PHF21A: variants seen among roughly 807,000 people sequenced by gnomAD.
The protein encoded by PHF21A is PHD finger protein 21A.
PHF21A carries 11 observed loss-of-function variants against 82.5 expected under a neutral mutation model. The observed-to-expected ratio is 0.13, with a 90% CI of 0.08 to 0.22. The LOEUF is 0.22. Ranked by LOEUF, PHF21A falls within the 10% of genes least tolerant of loss-of-function variation. The pLI, the probability that PHF21A is intolerant of heterozygous loss-of-function variation, is 1.00. For synonymous variants in PHF21A, 297 were observed against 302.8 expected (o/e 0.98, Z 0.20); for missense variants, 579 against 837.8 (o/e 0.69, Z 3.81).
chr11:45,977,535 C>T (rs1420814181), intron 7 of PHF21A, among the ~76,000 whole-genome samples: 3 of 152,198 alleles, frequency 2.0e-5, no homozygotes, highest in Admixed American at 6.5e-5. Flanking sequence ...AATTCTACCA[C>T]ACTCCTTTCA....
chr11:46,109,057 G>A (rs749290647), intron 1 of PHF21A, among the ~76,000 whole-genome samples: 14 of 152,190 alleles, frequency 9.2e-5, no homozygotes, highest in Non-Finnish European at 1.9e-4. Context: ...CACTGTAGCT[G>A]TGGCCATTTC....
At chr11:45,973,266 T>C (rs1351844541) in intron 7 of PHF21A, among the ~76,000 whole-genome samples, 1 of 152,196 alleles carries the variant, frequency 6.6e-6, no homozygotes, top group Non-Finnish European at 1.5e-5. Context: ...CACAGAAAGT[T>C]CTATCACTGT....
chr11:46,045,516 G>C (rs1322507186), intron 6 of PHF21A, among the ~76,000 whole-genome samples: 1 of 152,084 alleles, frequency 6.6e-6, no homozygotes, highest in Non-Finnish European at 1.5e-5. Context: ...TTTTACCCAA[G>C]TAAGCAAGCT....
chr11:46,084,033 C>A (rs1387642804), intron 4 of PHF21A, 133 bp downstream of exon 4: 2 of 580,042 alleles, frequency 3.4e-6, no homozygotes, highest in Middle Eastern at 6.5e-4. Context: ...TGGTAAAAGG[C>A]AAACGACATG....
chr11:45,971,893 T>TCTTTTTC (rs1555026010), intron 7 of PHF21A, among the ~76,000 whole-genome samples: 1 of 91,986 alleles, frequency 1.1e-5, no homozygotes, highest in African/African-American at 3.7e-5. Flanking sequence ...TTTCTTTCTT[T>TCTTTTTC]TTTTTTTTTT....
intron 6 of PHF21A, among the ~76,000 whole-genome samples, chr11:46,006,281 AT>A (rs1454486146): frequency 6.6e-6 from 1 of 152,240 alleles, no homozygotes; most frequent in Non-Finnish European, 1.5e-5. Context: ...CCAAACAAGA[AT>A]TATTTTAATA....
intron 6 of PHF21A, among the ~76,000 whole-genome samples, chr11:46,008,894 C>T (rs188666476): frequency 1.3e-5 from 2 of 152,046 alleles, no homozygotes; most frequent in African/African-American, 4.8e-5. Context: ...AGTGTTCACC[C>T]TCCATCTTAA....
chr11:45,946,617 C>T (rs1460307091), intron 14 of PHF21A, among the ~76,000 whole-genome samples: 3 of 152,112 alleles, frequency 2.0e-5, no homozygotes, highest in East Asian at 1.9e-4. Context: ...CCTCATGATC[C>T]GCCCATCTTG....
intron 6 of PHF21A, among the ~76,000 whole-genome samples, chr11:45,984,534 G>T (rs2094429669): frequency 6.6e-6 from 1 of 152,198 alleles, no homozygotes; most frequent in Non-Finnish European, 1.5e-5. Flanking sequence ...CAGCAAGACA[G>T]ATCCTGAAGA....
rs1227285297 is a variant in PHF21A, at chr11:45,929,551, C to T, written c.*4417G>A. On this transcript the variant is annotated 3_prime_UTR_variant, in exon 19 of 19. Transcript: ENST00000676320. ...CTCTTCTCTGCTAGGAGCTGGCTGA[C>T]CTCTGGCCTGCCCGTCCCATCCCGC... 1 of 152,986 alleles carries T rather than the reference C, an allele frequency of 6.5e-6. No individual in the cohort carries two copies. The highest frequency in any genetic ancestry group is 1.5e-5 in the Non-Finnish European group (1 of 68,750). 9.5% of individuals were successfully genotyped at this position (152,986 alleles called of 1,614,324 possible). A position where few individuals can be genotyped will look rare whatever the true frequency, so the allele number is the denominator to read the frequency against.
chr11:46,092,479 T>G (rs896777409), intron 1 of PHF21A, among the ~76,000 whole-genome samples: 3 of 152,160 alleles, frequency 2.0e-5, no homozygotes, highest in African/African-American at 7.2e-5. Context: ...GTTGATAATT[T>G]TCCTTTCCTA....
chr11:45,978,778 G>A (rs1266533330), intron 7 of PHF21A, among the ~76,000 whole-genome samples: 3 of 152,118 alleles, frequency 2.0e-5, no homozygotes, highest in East Asian at 1.9e-4. Context: ...TTCCAAATAC[G>A]CCCTTTTTGT....
At chr11:46,113,736 G>A (rs1406542600) in intron 1 of PHF21A, among the ~76,000 whole-genome samples, 2 of 150,368 alleles carry the variant, frequency 1.3e-5, no homozygotes, top group Non-Finnish European at 1.5e-5. Context: ...TGAGACAGGA[G>A]AATTGCTTGA....
At chr11:45,952,287 G>C (rs899435534) in intron 11 of PHF21A, among the ~76,000 whole-genome samples, 1 of 152,112 alleles carries the variant, frequency 6.6e-6, no homozygotes, top group African/African-American at 2.4e-5. Flanking sequence ...CATCACCTAG[G>C]CTGGAGTGCA....
chr11:46,062,700 A>G (rs2096550298), intron 6 of PHF21A, among the ~76,000 whole-genome samples: 2 of 152,160 alleles, frequency 1.3e-5, no homozygotes. Flanking sequence ...GAGCAGCTAG[A>G]ACTCTCATAC....
At chr11:46,022,359 G>A (rs572775576) in intron 6 of PHF21A, among the ~76,000 whole-genome samples, 9 of 152,268 alleles carry the variant, frequency 5.9e-5, no homozygotes, top group Non-Finnish European at 1.0e-4. Flanking sequence ...GGATGCTGAG[G>A]TAGGAGGATC....
chr11:46,050,580 G>C (rs998612422), intron 6 of PHF21A, among the ~76,000 whole-genome samples: 1 of 152,202 alleles, frequency 6.6e-6, no homozygotes, highest in Non-Finnish European at 1.5e-5. Flanking sequence ...GGGGAATGAA[G>C]TAGGTACTTC....
chr11:46,121,181 A>ACTCTCTCTCTCTCTCTCTCTCTCT lies in PHF21A; in HGVS notation c.-484_-483insAGAGAGAGAGAGAGAGAGAGAGAG, dbSNP rs60788619. On this transcript the variant is annotated 5_prime_UTR_variant, in exon 1 of 19. Transcript: ENST00000676320. ...CTCTCCTCTCCTCTCTCTCTCACTC[A>ACTCTCTCTCTCTCTCTCTCTCTCT]CTCTCTCTCTCTCTCTCTCTCTGGG... 1 of 126,258 alleles carries ACTCTCTCTCTCTCTCTCTCTCTCT rather than the reference A, an allele frequency of 7.9e-6. No homozygotes were observed. The highest frequency in any genetic ancestry group is 1.6e-5 in the Non-Finnish European group (1 of 61,532). The allele number at this position is 126,258 out of a possible 1,614,324, so 7.8% of individuals were successfully genotyped here.
intron 10 of PHF21A, among the ~76,000 whole-genome samples, chr11:45,962,103 C>G (rs2093123923): frequency 6.6e-6 from 1 of 152,224 alleles, no homozygotes. Context: ...TCAGTGCCTG[C>G]TCCAAACACA....
Sources: gnomAD v4.1 joint callset for allele counts (sites outside exome capture counted in the v4.1 genomes callset) on GRCh38, gnomAD v4.1.1 for gene constraint, MANE v1.5 for transcripts, NCBI Gene and HGNC (gene_info 2026-07-23, HGNC 2026-07-21) for gene names.